CHTOP: variants seen among roughly 807,000 people sequenced by gnomAD.
CHTOP encodes the protein chromatin target of PRMT1, also known as chromatin target of PRMT1 protein.
CHTOP carries 18 observed loss-of-function variants against 33.6 expected under a neutral mutation model. The ratio of observed to expected loss-of-function variants is 0.54; its 90% CI spans 0.37 to 0.80. CHTOP has a LOEUF of 0.80. Ranked by LOEUF, CHTOP falls within the 30% of genes least tolerant of loss-of-function variation. CHTOP has a pLI of 0.00. For missense variants in CHTOP, 263 were observed against 336.8 expected, an observed-to-expected ratio of 0.78 and a Z score of 1.71; for synonymous variants, 117 against 127.7, an observed-to-expected ratio of 0.92 and a Z score of 0.56.
intron 1 of CHTOP, among the ~76,000 whole-genome samples, chr1:153,635,954 A>T (rs984898236): frequency 1.3e-5 from 2 of 151,844 alleles, no homozygotes; most frequent in Non-Finnish European, 2.9e-5. Flanking sequence ...TTTTAAAGAG[A>T]TGGGGTCTCA....
intron 2 of CHTOP, 63 bp downstream of exon 2, chr1:153,636,716 G>T (rs1190329944): frequency 6.9e-7 from 1 of 1,446,538 alleles, no homozygotes; most frequent in Non-Finnish European, 9.7e-7. Context: ...TTGGCCCTGG[G>T]GTCCAATGCA....
At chr1:153,639,205 A>G (rs143235315) in intron 3 of CHTOP, among the ~76,000 whole-genome samples, 69 of 152,324 alleles carry the variant, frequency 4.5e-4, no homozygotes, top group East Asian at 1.7e-3. Context: ...ATGCTAAAAT[A>G]TACAGAGTAG....
intron 3 of CHTOP, among the ~76,000 whole-genome samples, chr1:153,641,931 C>G (rs1056381597): frequency 6.6e-6 from 1 of 152,272 alleles, no homozygotes; most frequent in South Asian, 2.1e-4. Flanking sequence ...AATGTTCTTA[C>G]GAAAACTTAA....
At position 153,636,598 on chromosome 1, in the gene CHTOP, C is replaced by T; in HGVS notation, c.10C>T (p.Gln4Ter). The change falls in exon 2 of 6, where the codon CAG (glutamine) becomes TAG (stop). Residue 4 changes from glutamine to a stop codon, truncating the protein, a stop_gained. Coordinates refer to ENST00000368694, the MANE Select transcript of CHTOP (RefSeq NM_015607.4). LOFTEE classifies it high-confidence loss of function. MAA[Q>*]SAPKVVLKST... ...TTCTCGGGATTCGAAGATGGCTGCA[C>T]AGTCAGCGCCGAAAGTTGTGCTAAA... 6.2e-7 allele frequency: 1 copy of T among 1,613,180 alleles called. No individual in the cohort carries two copies. Among genetic ancestry groups the T allele is most frequent in the Non-Finnish European group, 8.5e-7 (1 of 1,179,338 alleles).
chr1:153,642,438 T>A lies in CHTOP; in HGVS notation c.403+9T>A. On this transcript the variant is annotated intron_variant, in intron 4 of 5. Transcript: ENST00000368694. ...CGGGATGTCACTCCGAGGTCAGTGCTGTGTACCCTGATAATTGTCGGGCCC... is the reference window on the plus strand; with the variant it reads ...CGGGATGTCACTCCGAGGTCAGTGCAGTGTACCCTGATAATTGTCGGGCCC... The A allele has an allele frequency of 1.3e-6, 2 of 1,589,296 alleles. No individual in the cohort carries two copies. Among genetic ancestry groups the A allele is most frequent in the Non-Finnish European group, 1.7e-6 (2 of 1,164,122 alleles).
chr1:153,634,506 G>A (rs1050010280), intron 1 of CHTOP, 163 bp downstream of exon 1: 1 of 153,066 alleles, frequency 6.5e-6, no homozygotes, highest in African/African-American at 2.4e-5. Flanking sequence ...GCGGGGGAGG[G>A]GCTGAACTGG....
At position 153,639,206 on chromosome 1, in the gene CHTOP, T is replaced by C. The variant is rs766857007; in HGVS notation, c.219+758T>C. On this transcript the variant is annotated intron_variant, in intron 3 of 5. Coordinates refer to ENST00000368694, the MANE Select transcript of CHTOP (RefSeq NM_015607.4). ...GTCAAAGGTTTTCAATGCTAAAATA[T>C]ACAGAGTAGAGTGACCCTCATTTCC... Among the ~76,000 whole-genome samples the C allele has an allele frequency of 2.6e-5, 4 of 152,338 alleles. No homozygotes were observed. The East Asian group carries it at 5.8e-4, about 22-fold the overall frequency.
At position 153,645,070 on chromosome 1, in the gene CHTOP, G is replaced by A; in HGVS notation, c.548G>A (p.Gly183Asp). The change falls in exon 6 of 6, where the codon GGT becomes GAT. Residue 183 changes from glycine (G) to aspartate (D), a missense_variant. By Grantham distance (94) the Gly-to-Asp change is moderately conservative. Transcript: ENST00000368694. ...TTTTTCCCCTTTGGGCCAGGTCGGGGTATGATAGGTCGGGGAAGAGGGGGC... is the reference window on the plus strand; with the variant it reads ...TTTTTCCCCTTTGGGCCAGGTCGGGATATGATAGGTCGGGGAAGAGGGGGC... ...GRGGIGGRGR[G>D]MIGRGRGGFG... 6.3e-7 allele frequency: 1 copy of A among 1,579,852 alleles called. No individual in the cohort carries two copies. The highest frequency in any genetic ancestry group is 8.6e-7 in the Non-Finnish European group (1 of 1,157,964).
chr1:153,639,030 G>A (rs1157075365), intron 3 of CHTOP, among the ~76,000 whole-genome samples: 8 of 152,050 alleles, frequency 5.3e-5, no homozygotes, highest in East Asian at 1.9e-4. Flanking sequence ...AAAGGTGCCC[G>A]CCACCACACC....
rs757823836 is a variant in CHTOP, at chr1:153,646,106, A to C, written c.*837A>C. The stretch of plus-strand genomic sequence containing the variant: ...GAATGATGGCAGACGAACTGCTGGA[A>C]GAGGTCAGAAGATAGCCATGCTAAA... On this transcript the variant is annotated 3_prime_UTR_variant, in exon 6 of 6. Transcript: ENST00000368694. The C allele has an allele frequency of 6.6e-6, 1 of 152,254 alleles. No individual in the cohort carries two copies. The highest frequency in any genetic ancestry group is 1.5e-5 in the Non-Finnish European group (1 of 68,050). 9.4% of individuals were successfully genotyped at this position (152,254 alleles called of 1,614,324 possible).
chr1:153,642,004 A>G (rs1481197265), intron 3 of CHTOP, among the ~76,000 whole-genome samples: 4 of 152,218 alleles, frequency 2.6e-5, no homozygotes, highest in Non-Finnish European at 5.9e-5. Flanking sequence ...GGAGATGCCC[A>G]TTTCATGGGA....
chr1:153,643,229 C>T lies in CHTOP; in HGVS notation c.406C>T (p.Gln136Ter). The stretch of plus-strand genomic sequence containing the variant: ...ACATTGTATGCCTCCTCTCTAAGGT[C>T]AAAACCTGCTCCGAGGTGGACGAGC... ...LLRGGMSLRG[Q>*]NLLRGGRAVA... The change falls in exon 5 of 6, where the codon CAA becomes TAA. Residue 136 changes from glutamine (Q) to a stop codon, truncating the protein, a stop_gained and splice_region_variant. Transcript: ENST00000368694. LOFTEE classifies it high-confidence loss of function. 6.2e-7 allele frequency: 1 copy of T among 1,614,110 alleles called. No homozygotes were observed. Among genetic ancestry groups the T allele is most frequent in the Non-Finnish European group, 8.5e-7 (1 of 1,180,022 alleles).
At chr1:153,639,380 A>G in intron 3 of CHTOP, 2 of 967,554 alleles carry the variant, frequency 2.1e-6, no homozygotes, top group Non-Finnish European at 2.5e-6. Context: ...TTTATATGCA[A>G]GTCCGGACAG....
At chr1:153,638,270 A>G in intron 2 of CHTOP, 25 bp from the exon 3 acceptor site, 1 of 1,608,244 alleles carries the variant, frequency 6.2e-7, no homozygotes, top group Non-Finnish European at 8.5e-7. Flanking sequence ...TTTTATTTAA[A>G]CATCCATTTT....
At chr1:153,638,469 G>A in intron 3 of CHTOP, 21 bp downstream of exon 3, 1 of 1,614,008 alleles carries the variant, frequency 6.2e-7, no homozygotes, top group Non-Finnish European at 8.5e-7. Context: ...GGGTCTTAAT[G>A]CTCCAGAAGC....
chr1:153,634,838 A>G (rs1045123567), intron 1 of CHTOP, among the ~76,000 whole-genome samples: 2 of 144,520 alleles, frequency 1.4e-5, no homozygotes, highest in African/African-American at 5.2e-5. Flanking sequence ...GTATATATAT[A>G]CATACATATA....
Position 153,636,616 on chromosome 1 carries a change from G to C in CHTOP, c.28G>C (p.Val10Leu). 2.5e-6 allele frequency: 4 copies of C among 1,613,722 alleles called. No homozygotes were observed. Among genetic ancestry groups the C allele is most frequent in the Non-Finnish European group, 3.4e-6 (4 of 1,179,670 alleles). MAAQSAPKVVLKSTTKMSLN... is the reference protein window; with the variant it reads MAAQSAPKVLLKSTTKMSLN... The stretch of plus-strand genomic sequence containing the variant: ...GGCTGCACAGTCAGCGCCGAAAGTT[G>C]TGCTAAAAAGCACCACCAAGATGTC... Residue 10 changes from valine to leucine, a missense_variant, in exon 2 of 6, where the codon GTG becomes CTG. Transcript: ENST00000368694.
At chr1:153,636,466 G>C (rs1039462554) in intron 1 of CHTOP, 106 bp from the exon 2 acceptor site, 1 of 749,876 alleles carries the variant, frequency 1.3e-6, no homozygotes, top group African/African-American at 1.8e-5. Flanking sequence ...GTGCTCTTTA[G>C]TCATCAGTGA....
intron 3 of CHTOP, among the ~76,000 whole-genome samples, chr1:153,639,711 C>CT (rs1341942145): frequency 1.3e-5 from 2 of 152,172 alleles, no homozygotes; most frequent in Non-Finnish European, 2.9e-5. Context: ...CAACAAGAAG[C>CT]TTTAAGTATA....
Sources: allele counts gnomAD v4.1 joint callset (sites outside exome capture counted in the v4.1 genomes callset), GRCh38; gene constraint gnomAD v4.1.1; transcripts MANE v1.5; gene names NCBI Gene and HGNC (gene_info 2026-07-23, HGNC 2026-07-21).